The following ULK4 variants were observed in gnomAD, a reference collection of about 807,000 sequenced individuals.
ULK4 encodes unc-51 like kinase 4.
ULK4 carries 133 observed loss-of-function variants against 160.6 expected under a neutral mutation model. That is an observed-to-expected ratio of 0.83 (90% confidence interval 0.72 to 0.96). The LOEUF (loss-of-function observed/expected upper bound fraction) is 0.96. Ranked by LOEUF, ULK4 falls within the 40% of genes least tolerant of loss-of-function variation. The pLI, the probability that ULK4 is intolerant of heterozygous loss-of-function variation, is 0.00. For synonymous variants in ULK4, 534 were observed against 539.8 expected (o/e 0.99, Z 0.15); for missense variants, 1,580 against 1,499.5 (o/e 1.05, Z -0.89).
chr3:41,679,750 A>G (rs1243143760), intron 29 of ULK4, among the ~76,000 whole-genome samples: 5 of 152,256 alleles, frequency 3.3e-5, no homozygotes, highest in Non-Finnish European at 7.3e-5. Flanking sequence ...TAAAAAAGCT[A>G]TTACTAAACT....
chr3:41,311,620 G>A (rs2080050456), intron 35 of ULK4, among the ~76,000 whole-genome samples: 1 of 152,054 alleles, frequency 6.6e-6, no homozygotes, highest in Admixed American at 6.6e-5. Flanking sequence ...CCAGGCTGGA[G>A]TGCAGTGGTG....
chr3:41,818,311 CCCTT>C (rs1361723469), intron 19 of ULK4, among the ~76,000 whole-genome samples: 1 of 152,130 alleles, frequency 6.6e-6, no homozygotes, highest in African/African-American at 2.4e-5. Context: ...CCTTCTCTCT[CCCTT>C]GAGTTCCTAT....
At chr3:41,952,075 G>T (rs923504824) in intron 2 of ULK4, among the ~76,000 whole-genome samples, 2 of 152,082 alleles carry the variant, frequency 1.3e-5, no homozygotes, top group African/African-American at 4.8e-5. Flanking sequence ...AAATATCACT[G>T]AGGTAAAAAT....
intron 29 of ULK4, among the ~76,000 whole-genome samples, chr3:41,678,773 G>A (rs972401561): frequency 6.6e-6 from 1 of 152,160 alleles, no homozygotes; most frequent in South Asian, 2.1e-4. Flanking sequence ...TATTGTTTAA[G>A]GTCAAGGGAA....
intron 17 of ULK4, among the ~76,000 whole-genome samples, chr3:41,860,326 G>C (rs2042471588): frequency 6.6e-6 from 1 of 152,098 alleles, no homozygotes; most frequent in African/African-American, 2.4e-5. Context: ...AATGGGGTTT[G>C]AAGTCTCCAG....
intron 17 of ULK4, among the ~76,000 whole-genome samples, chr3:41,868,006 T>C (rs1450856642): frequency 6.6e-6 from 1 of 152,242 alleles, no homozygotes; most frequent in Non-Finnish European, 1.5e-5. Flanking sequence ...TTTCAATACT[T>C]TGTTATAAAG....
intron 19 of ULK4, among the ~76,000 whole-genome samples, chr3:41,815,968 AC>A (rs1247341165): frequency 1.3e-5 from 2 of 152,130 alleles, no homozygotes; most frequent in Non-Finnish European, 2.9e-5. Flanking sequence ...ACTGAGCTAC[AC>A]AGAGCATGGT....
rs191942194 is a variant in ULK4 at position 41,711,802 on chromosome 3, T to A, written c.2634+3435A>T. Among the ~76,000 whole-genome samples the A allele has an allele frequency of 9.3e-4, 142 of 152,348 alleles. 6 individuals are homozygous for A. The highest frequency in any genetic ancestry group is 9.0e-3 in the Admixed American group (137 of 15,306). ...GTGAATGTTAGGTTAATACACATCATGAGCTCTTGAAAATATTTCCTTAAT... is the reference window on the plus strand; with the variant it reads ...GTGAATGTTAGGTTAATACACATCAAGAGCTCTTGAAAATATTTCCTTAAT... On this transcript the variant is annotated intron_variant, in intron 25 of 36. Transcript: ENST00000301831.
intron 17 of ULK4, among the ~76,000 whole-genome samples, chr3:41,862,765 G>GTCTC (rs549887441): frequency 1.5e-4 from 22 of 143,340 alleles, no homozygotes; most frequent in Admixed American, 4.1e-4. Flanking sequence ...CAGTCAGTCA[G>GTCTC]TCTCTCTCTC....
rs185249147 is a variant in ULK4, at chr3:41,303,941, A to C, written c.3679-54367T>G. On this transcript the variant is annotated intron_variant, in intron 35 of 36. Transcript: ENST00000301831. ...TTGGGAGGGGGCCGGATACATGCCA[A>C]GTAGGTGCCATCACTATTGTATTTG... 4.9e-4 allele frequency among the ~76,000 whole-genome samples: 74 copies of C among 152,278 alleles called. 1 individual carries two copies. The highest frequency in any genetic ancestry group is 3.4e-3 in the Admixed American group (52 of 15,296).
intron 31 of ULK4, among the ~76,000 whole-genome samples, chr3:41,593,539 C>T (rs773730495): frequency 9.9e-5 from 15 of 151,958 alleles, no homozygotes; most frequent in Non-Finnish European, 1.3e-4. Context: ...AAGAGATGAC[C>T]GGTCTATAGT....
At chr3:41,818,209 A>G (rs1011958726) in intron 19 of ULK4, among the ~76,000 whole-genome samples, 3 of 152,088 alleles carry the variant, frequency 2.0e-5, no homozygotes, top group African/African-American at 7.2e-5. Context: ...AAACCAGTAT[A>G]TCAAAGAGAC....
chr3:41,516,501 T>C (rs1469728695), intron 32 of ULK4, among the ~76,000 whole-genome samples: 1 of 151,856 alleles, frequency 6.6e-6, no homozygotes, highest in Non-Finnish European at 1.5e-5. Context: ...TATTCAGCCA[T>C]AAAAAAGAAT....
At chr3:41,436,618 T>C (rs2083043640) in intron 34 of ULK4, among the ~76,000 whole-genome samples, 1 of 152,172 alleles carries the variant, frequency 6.6e-6, no homozygotes, top group Non-Finnish European at 1.5e-5. Context: ...CTTTATGCAC[T>C]GTGTCAATCA....
At chr3:41,769,805 G>A (rs561396733) in intron 21 of ULK4, among the ~76,000 whole-genome samples, 10 of 152,244 alleles carry the variant, frequency 6.6e-5, no homozygotes, top group African/African-American at 2.2e-4. Context: ...ATGGTAACGA[G>A]GTAGAGAACT....
rs535709415 is a variant in ULK4, at chr3:41,829,321, C to T, written c.1764+6543G>A. Among the ~76,000 whole-genome samples, 13 of 146,328 alleles carry T rather than the reference C, an allele frequency of 8.9e-5. No individual in the cohort carries two copies. In the East Asian group the frequency reaches 2.5e-3, roughly 29 times the overall value. ...GGGATCTAATTAAACTAAAGAGCTTCTGCACAGCAAAAGAAACTACCATCA... is the reference window on the plus strand; with the variant it reads ...GGGATCTAATTAAACTAAAGAGCTTTTGCACAGCAAAAGAAACTACCATCA... On this transcript the variant is annotated intron_variant, in intron 18 of 36. Coordinates refer to ENST00000301831, the MANE Select transcript of ULK4 (RefSeq NM_017886.4).
Position 41,681,550 on chromosome 3 carries a change from T to C in ULK4, c.2936A>G (p.Asp979Gly), listed in dbSNP as rs751038271. Residue 979 changes from aspartate to glycine, a missense_variant, in exon 29 of 37, where the codon GAC (aspartate) becomes GGC (glycine). Physicochemically the swap from Asp to Gly is moderately conservative, Grantham distance 94 (BLOSUM62 -1). Coordinates refer to ENST00000301831, the MANE Select transcript of ULK4 (RefSeq NM_017886.4). ...TCGAATGAGAGCCAGAAGATTGCTG[T>C]CAGAATCAACACTGGCCTTCTCCTT... ...DGKEKASVDSDSNLLALIRDV... is the reference protein window; with the variant it reads ...DGKEKASVDSGSNLLALIRDV... 1 of 1,614,004 alleles carries C rather than the reference T, an allele frequency of 6.2e-7. No homozygotes were observed. Among genetic ancestry groups the C allele is most frequent in the Non-Finnish European group, 8.5e-7 (1 of 1,179,986 alleles).
At chr3:41,767,076 ACATT>A (rs1197606567) in intron 21 of ULK4, among the ~76,000 whole-genome samples, 4 of 152,356 alleles carry the variant, frequency 2.6e-5, no homozygotes, top group Admixed American at 6.5e-5. Context: ...CATCATACAT[ACATT>A]ATTTTCTTAT....
intron 16 of ULK4, among the ~76,000 whole-genome samples, chr3:41,884,239 C>CT (rs1278156636): frequency 6.6e-6 from 1 of 152,108 alleles, no homozygotes; most frequent in African/African-American, 2.4e-5. Flanking sequence ...TTTTAAAAAT[C>CT]TTTAACCAGA....
Sources: allele counts gnomAD v4.1 joint callset (sites outside exome capture counted in the v4.1 genomes callset), GRCh38; gene constraint gnomAD v4.1.1; transcripts MANE v1.5; gene names NCBI Gene and HGNC (gene_info 2026-07-23, HGNC 2026-07-21).